RUNX2: variants seen among roughly 807,000 people sequenced by gnomAD.
RUNX2 encodes RUNX family transcription factor 2, also known as runt-related transcription factor 2.
Under a neutral mutation model 51.7 loss-of-function variants are expected in RUNX2, and 10 were observed. The ratio of observed to expected loss-of-function variants is 0.19; its 90% CI spans 0.12 to 0.33. RUNX2 has a LOEUF of 0.33. Ranked by LOEUF, RUNX2 falls within the 10% of genes least tolerant of loss-of-function variation. RUNX2 has a pLI of 1.00. For missense variants in RUNX2, 562 were observed against 691.3 expected (o/e 0.81, Z 2.10); for synonymous variants, 276 against 273.6 (o/e 1.01, Z -0.09).
intron 7 of RUNX2, among the ~76,000 whole-genome samples, chr6:45,518,703 AC>A (rs1801408701): frequency 6.6e-6 from 1 of 152,296 alleles, no homozygotes; most frequent in African/African-American, 2.4e-5. Flanking sequence ...ATGTACAACC[AC>A]CCACACATAG....
intron 2 of RUNX2, chr6:45,377,904 T>G: frequency 3.6e-5 from 5 of 140,366 alleles, no homozygotes; most frequent in Non-Finnish European, 4.6e-5. Flanking sequence ...GAGTGTGGAG[T>G]GTAGAAAGGG....
rs187011949 is a variant in RUNX2, at chr6:45,433,273, T to C, written c.580+1254T>C. ...CTGCATCAGGTTTAGTTAACTTTCATAAAAAGAAGAAAAAAAGACACATCC... is the reference window on the plus strand; with the variant it reads ...CTGCATCAGGTTTAGTTAACTTTCACAAAAAGAAGAAAAAAAGACACATCC... On this transcript the variant is annotated intron_variant, in intron 4 of 8. Transcript: ENST00000647337. 3.9e-4 allele frequency among the ~76,000 whole-genome samples: 60 copies of C among 152,310 alleles called. No homozygotes were observed. The East Asian group carries it at 0.01, about 25-fold the overall frequency.
At chr6:45,493,510 G>T (rs1002030495) in intron 6 of RUNX2, among the ~76,000 whole-genome samples, 1 of 152,098 alleles carries the variant, frequency 6.6e-6, no homozygotes, top group Non-Finnish European at 1.5e-5. Flanking sequence ...GGGAGAGTGG[G>T]GGGGCGGTGG....
intron 2 of RUNX2, among the ~76,000 whole-genome samples, chr6:45,375,783 C>A (rs1185481190): frequency 1.3e-5 from 2 of 149,096 alleles, no homozygotes; most frequent in Admixed American, 1.3e-4. Context: ...TTTATTTGTT[C>A]TTTTAGTTTT....
chr6:45,418,880 G>T (rs548200118), intron 2 of RUNX2, among the ~76,000 whole-genome samples: 1 of 152,252 alleles, frequency 6.6e-6, no homozygotes, highest in African/African-American at 2.4e-5. Context: ...TCCAAGAGCT[G>T]CTTATATTAG....
At chr6:45,367,601 T>G (rs73735393) in intron 2 of RUNX2, among the ~76,000 whole-genome samples, 1 of 152,128 alleles carries the variant, frequency 6.6e-6, no homozygotes, top group African/African-American at 2.4e-5. Context: ...CTTGTCTCAA[T>G]AGAAGGCTGA....
At chr6:45,541,788 G>C (rs948632180) in intron 7 of RUNX2, among the ~76,000 whole-genome samples, 3 of 152,232 alleles carry the variant, frequency 2.0e-5, no homozygotes, top group Admixed American at 6.5e-5. Context: ...AGGACATGGG[G>C]CATGGGGTTT....
At chr6:45,414,318 C>T (rs1798016372) in intron 2 of RUNX2, among the ~76,000 whole-genome samples, 1 of 152,208 alleles carries the variant, frequency 6.6e-6, no homozygotes, top group Non-Finnish European at 1.5e-5. Flanking sequence ...GCCAACTTCA[C>T]TTCTCCACTA....
intron 7 of RUNX2, among the ~76,000 whole-genome samples, chr6:45,517,492 A>T (rs1801368196): frequency 6.6e-6 from 1 of 152,054 alleles, no homozygotes; most frequent in Non-Finnish European, 1.5e-5. Context: ...TATAGATTGT[A>T]TGGAAGATTC....
chr6:45,339,443 T>C (rs1256646985), intron 2 of RUNX2, among the ~76,000 whole-genome samples: 1 of 152,180 alleles, frequency 6.6e-6, no homozygotes, highest in Non-Finnish European at 1.5e-5. Flanking sequence ...TAATTCCAAA[T>C]TGTGTCCCCA....
At chr6:45,512,539 G>T in intron 7 of RUNX2, 132 bp downstream of exon 7, 1 of 956,542 alleles carries the variant, frequency 1.0e-6, no homozygotes, top group Non-Finnish European at 1.6e-6. Flanking sequence ...ATGACAACTG[G>T]CAAATTAAAT....
intron 5 of RUNX2, among the ~76,000 whole-genome samples, chr6:45,439,135 C>A (rs527932177): frequency 3.9e-5 from 6 of 152,308 alleles, no homozygotes; most frequent in African/African-American, 1.4e-4. Flanking sequence ...GGTCCCGTCC[C>A]TTTTGCTGCT....
At chr6:45,492,673 G>T (rs1006869307) in intron 6 of RUNX2, among the ~76,000 whole-genome samples, 1 of 152,162 alleles carries the variant, frequency 6.6e-6, no homozygotes, top group African/African-American at 2.4e-5. Flanking sequence ...ATAAATTCTA[G>T]TCAGCTACTT....
intron 2 of RUNX2, among the ~76,000 whole-genome samples, chr6:45,338,941 A>G (rs935499550): frequency 4.6e-5 from 7 of 152,168 alleles, no homozygotes; most frequent in Non-Finnish European, 1.0e-4. Context: ...CTGAAGACAC[A>G]TAAGTATAAA....
At chr6:45,483,744 C>A (rs1329771524) in intron 5 of RUNX2, among the ~76,000 whole-genome samples, 1 of 152,100 alleles carries the variant, frequency 6.6e-6, no homozygotes, top group African/African-American at 2.4e-5. Context: ...ATGTGATGAC[C>A]AAGTTGAGCT....
intron 7 of RUNX2, among the ~76,000 whole-genome samples, chr6:45,521,843 T>C (rs537080209): frequency 6.6e-6 from 1 of 152,312 alleles, no homozygotes; most frequent in Non-Finnish European, 1.5e-5. Flanking sequence ...TCCTCTCTTC[T>C]CAGGCTCTGG....
intron 5 of RUNX2, among the ~76,000 whole-genome samples, chr6:45,456,078 G>C (rs1299628171): frequency 6.6e-6 from 1 of 151,794 alleles, no homozygotes; most frequent in Non-Finnish European, 1.5e-5. Flanking sequence ...TAGTATACAG[G>C]AAGATCTGTT....
intron 2 of RUNX2, among the ~76,000 whole-genome samples, chr6:45,401,431 T>G (rs1563069700): frequency 6.6e-6 from 1 of 152,314 alleles, no homozygotes; most frequent in South Asian, 2.1e-4. Context: ...ACAGTAGAAT[T>G]AAGGAGGAGA....
At chr6:45,437,188 A>T (rs1250413440) in intron 4 of RUNX2, among the ~76,000 whole-genome samples, 2 of 152,144 alleles carry the variant, frequency 1.3e-5, no homozygotes, top group African/African-American at 4.8e-5. Flanking sequence ...GAAGCATCAG[A>T]TGTAATATTT....
Sources: gnomAD v4.1 joint callset for allele counts (sites outside exome capture counted in the v4.1 genomes callset) on GRCh38, gnomAD v4.1.1 for gene constraint, MANE v1.5 for transcripts, NCBI Gene and HGNC (gene_info 2026-07-23, HGNC 2026-07-21) for gene names.